The following VTA1 variants were observed in gnomAD, a reference collection of about 807,000 sequenced individuals.
VTA1 encodes vesicle trafficking 1.
A neutral mutation model predicts 36.9 loss-of-function variants in VTA1; 24 were observed. The ratio of observed to expected loss-of-function variants is 0.65; its 90% CI spans 0.47 to 0.91. The LOEUF (loss-of-function observed/expected upper bound fraction) is 0.91, where lower values mean the gene tolerates loss of function less well. Among genes scored for constraint, VTA1 ranks in the 40% least tolerant of loss-of-function variants. The pLI is 0.00. For missense variants in VTA1, 393 were observed against 377.2 expected (o/e 1.04, Z -0.35); for synonymous variants, 142 against 130.2 (o/e 1.09, Z -0.62).
chr6:142,170,438 T>C lies in VTA1; in HGVS notation c.411+17T>C, dbSNP rs1222655426. ...ACTGATGAAGTGAGTGTACATTCTT[T>C]ATTGTCTTATTAGCTGAAGATCAGT... On this transcript the variant is annotated intron_variant, in intron 4 of 7. Coordinates refer to ENST00000367630, the MANE Select transcript of VTA1 (RefSeq NM_016485.5). 6.6e-6 allele frequency: 10 copies of C among 1,512,966 alleles called. No homozygotes were observed. The highest frequency in any genetic ancestry group is 3.6e-6 in the Non-Finnish European group (4 of 1,105,770). The allele number at this position is 1,512,966 out of a possible 1,614,324, so 93.7% of individuals were successfully genotyped here. A position where few individuals can be genotyped will look rare whatever the true frequency, so the allele number is the denominator to read the frequency against.
chr6:142,160,772 C>T (rs1774786711), intron 1 of VTA1, among the ~76,000 whole-genome samples: 1 of 152,042 alleles, frequency 6.6e-6, no homozygotes, highest in African/African-American at 2.4e-5. Flanking sequence ...ACCATAGTTA[C>T]TTCATCAAGG....
At chr6:142,210,287 C>T (rs577288704) in intron 7 of VTA1, among the ~76,000 whole-genome samples, 28 of 152,208 alleles carry the variant, frequency 1.8e-4, no homozygotes, top group African/African-American at 6.3e-4. Context: ...TAAAGACTTA[C>T]ATCTGAAACC....
intron 4 of VTA1, among the ~76,000 whole-genome samples, chr6:142,184,808 A>T (rs1352683920): frequency 2.0e-5 from 3 of 152,156 alleles, no homozygotes; most frequent in Non-Finnish European, 4.4e-5. Flanking sequence ...CCTTAGTGTG[A>T]GTAAAATGTG....
At chr6:142,155,905 A>T (rs1207122572) in intron 1 of VTA1, among the ~76,000 whole-genome samples, 1 of 152,122 alleles carries the variant, frequency 6.6e-6, no homozygotes, top group Admixed American at 6.5e-5. Flanking sequence ...TCTAGACTGT[A>T]AACTGAGGAA....
chr6:142,192,392 T>C (rs561436274), intron 5 of VTA1, among the ~76,000 whole-genome samples: 1 of 152,154 alleles, frequency 6.6e-6, no homozygotes, highest in South Asian at 2.1e-4. Flanking sequence ...TGACTTACAG[T>C]GGGTTTTTTG....
intron 7 of VTA1, among the ~76,000 whole-genome samples, chr6:142,216,335 A>G (rs1338316572): frequency 2.0e-5 from 3 of 152,160 alleles, no homozygotes; most frequent in Non-Finnish European, 4.4e-5. Flanking sequence ...TTAAGAATTT[A>G]ATTCATATTT....
chr6:142,154,475 A>G (rs927588993), intron 1 of VTA1, among the ~76,000 whole-genome samples: 2 of 152,092 alleles, frequency 1.3e-5, no homozygotes, highest in Admixed American at 6.5e-5. Flanking sequence ...TTTCCCTGGG[A>G]TAAATGCCCA....
intron 1 of VTA1, among the ~76,000 whole-genome samples, chr6:142,149,185 C>T (rs1349058533): frequency 6.6e-6 from 1 of 152,174 alleles, no homozygotes; most frequent in East Asian, 1.9e-4. Flanking sequence ...GTTAGCTTTA[C>T]GCCTTTATCT....
chr6:142,214,980 CAT>C (rs1775978914), intron 7 of VTA1, among the ~76,000 whole-genome samples: 1 of 152,026 alleles, frequency 6.6e-6, no homozygotes, highest in Non-Finnish European at 1.5e-5. Flanking sequence ...CCTTTTAATG[CAT>C]ATATGTGTGA....
intron 7 of VTA1, among the ~76,000 whole-genome samples, chr6:142,206,536 A>G (rs570343712): frequency 4.9e-4 from 75 of 152,260 alleles, no homozygotes; most frequent in Non-Finnish European, 9.6e-4. Context: ...TGGTCTATAG[A>G]TTATGGACAG....
intron 4 of VTA1, among the ~76,000 whole-genome samples, chr6:142,188,979 T>C (rs1475450547): frequency 6.6e-6 from 1 of 152,240 alleles, no homozygotes; most frequent in African/African-American, 2.4e-5. Flanking sequence ...TAGCATTTGC[T>C]TTAACCACCA....
intron 7 of VTA1, among the ~76,000 whole-genome samples, chr6:142,215,614 T>C (rs28362107): frequency 2.1e-4 from 32 of 152,276 alleles, no homozygotes; most frequent in African/African-American, 7.5e-4. Context: ...TCCTGTGTGT[T>C]CCATCCAAGT....
intron 4 of VTA1, among the ~76,000 whole-genome samples, chr6:142,178,860 C>T (rs1775173507): frequency 6.6e-6 from 1 of 151,748 alleles, no homozygotes; most frequent in Non-Finnish European, 1.5e-5. Context: ...CTAAGAGATA[C>T]TGTTCAAATA....
At chr6:142,154,974 C>A (rs1023911762) in intron 1 of VTA1, among the ~76,000 whole-genome samples, 1 of 151,962 alleles carries the variant, frequency 6.6e-6, no homozygotes, top group African/African-American at 2.4e-5. Flanking sequence ...TTAAAAAAAT[C>A]ATTGATACAG....
At chr6:142,198,348 T>G (rs1775607915) in intron 5 of VTA1, 91 bp from the exon 6 acceptor site, 1 of 1,215,986 alleles carries the variant, frequency 8.2e-7, no homozygotes, top group Non-Finnish European at 1.1e-6. Flanking sequence ...CATTTAAAGA[T>G]TCCATTTGTC....
intron 5 of VTA1, among the ~76,000 whole-genome samples, chr6:142,195,647 T>C (rs1398926739): frequency 1.3e-5 from 2 of 149,748 alleles, no homozygotes; most frequent in Non-Finnish European, 3.0e-5. Context: ...AGATCTTTGA[T>C]CTTTAAATTT....
chr6:142,165,806 A>G (rs750376983), intron 1 of VTA1, among the ~76,000 whole-genome samples: 4 of 152,218 alleles, frequency 2.6e-5, no homozygotes, highest in Non-Finnish European at 2.9e-5. Flanking sequence ...AATTCTTTCT[A>G]TAAACCTCAG....
chr6:142,216,043 A>G (rs541540693), intron 7 of VTA1, among the ~76,000 whole-genome samples: 4 of 151,792 alleles, frequency 2.6e-5, no homozygotes, highest in African/African-American at 9.7e-5. Flanking sequence ...ATATTAGACA[A>G]CCCCTCTAAT....
chr6:142,147,382 C>G lies in VTA1; in HGVS notation c.95C>G (p.Pro32Arg), dbSNP rs147297004. 1.9e-6 allele frequency: 3 copies of G among 1,614,014 alleles called. No individual in the cohort carries two copies. The highest frequency in any genetic ancestry group is 2.7e-5 in the African/African-American group (2 of 74,944). ...RTAQEHDKRD[P>R]VVAYYCRLYA... ...GCTCAGGAGCATGACAAGCGAGACC[C>G]TGTGGTGGCTTATTACTGTGAGTCT... Residue 32 changes from proline to arginine, a missense_variant, in exon 1 of 8, where the codon CCT (proline) becomes CGT (arginine). Physicochemically the swap from Pro to Arg is moderately radical, Grantham distance 103 (BLOSUM62 -2). Coordinates refer to ENST00000367630, the MANE Select transcript of VTA1 (RefSeq NM_016485.5).
Sources: gnomAD v4.1 joint callset for allele counts (sites outside exome capture counted in the v4.1 genomes callset) on GRCh38, gnomAD v4.1.1 for gene constraint, MANE v1.5 for transcripts, NCBI Gene and HGNC (gene_info 2026-07-23, HGNC 2026-07-21) for gene names.